COL4A2: variants seen among roughly 807,000 people sequenced by gnomAD.
COL4A2 encodes collagen alpha-2(IV) chain.
A neutral mutation model predicts 200.2 loss-of-function variants in COL4A2; 99 were observed. The ratio of observed to expected loss-of-function variants is 0.49; its 90% CI spans 0.42 to 0.58. The LOEUF is 0.58. COL4A2 is among the 20% of genes least tolerant of loss of function. The pLI is 0.00. For missense variants in COL4A2, 1,950 were observed against 2,314.1 expected (o/e 0.84, Z 3.23); for synonymous variants, 897 against 900.6 (o/e 1.00, Z 0.07).
intron 4 of COL4A2, among the ~76,000 whole-genome samples, chr13:110,380,652 A>G (rs1446328761): frequency 6.6e-6 from 1 of 151,946 alleles, no homozygotes; most frequent in Non-Finnish European, 1.5e-5. Context: ...CACAAGCTCT[A>G]TCTCACACCC....
At chr13:110,491,192 G>T in intron 36 of COL4A2, 41 bp from the exon 37 acceptor site, 1 of 1,422,736 alleles carries the variant, frequency 7.0e-7, no homozygotes, top group Non-Finnish European at 9.7e-7. Flanking sequence ...CCACAGGGGC[G>T]CGGTGTCTGT....
chr13:110,452,049 C>T (rs1157969831), intron 20 of COL4A2, among the ~76,000 whole-genome samples: 1 of 152,248 alleles, frequency 6.6e-6, no homozygotes, highest in African/African-American at 2.4e-5. Flanking sequence ...CAGCCTCCTA[C>T]CTTCGGGGAG....
chr13:110,343,020 A>G (rs1418005039), intron 3 of COL4A2, among the ~76,000 whole-genome samples: 1 of 152,224 alleles, frequency 6.6e-6, no homozygotes, highest in African/African-American at 2.4e-5. Flanking sequence ...CTCAAACCTA[A>G]AAATGTGTGC....
At chr13:110,352,168 G>A (rs143468552) in intron 3 of COL4A2, among the ~76,000 whole-genome samples, 1 of 152,198 alleles carries the variant, frequency 6.6e-6, no homozygotes, top group Non-Finnish European at 1.5e-5. Context: ...GTTAGGGGTA[G>A]CCAGTCTGTC....
At chr13:110,428,618 G>A (rs761937453) in intron 7 of COL4A2, 35 bp downstream of exon 7, 62 of 1,253,378 alleles carry the variant, frequency 4.9e-5, no homozygotes, top group African/African-American at 7.9e-5. Context: ...CTCCAGGGAC[G>A]GGCAGACCCC....
chr13:110,449,233 A>G (rs1881440902), intron 18 of COL4A2, among the ~76,000 whole-genome samples: 1 of 152,254 alleles, frequency 6.6e-6, no homozygotes, highest in African/African-American at 2.4e-5. Flanking sequence ...TTACACAGCA[A>G]AGGAACATAG....
Position 110,489,756 on chromosome 13 carries a change from A to T in COL4A2, c.3317A>T (p.Lys1106Met). ...AATTTACCAGGAAGACCAGGCCTGAAGGGGGAGCGGGGCACCACTGGAATA... is the reference window on the plus strand; with the variant it reads ...AATTTACCAGGAAGACCAGGCCTGATGGGGGAGCGGGGCACCACTGGAATA... The part of the protein sequence containing the change: ...TINLPGRPGL[K>M]GERGTTGIPG... The change falls in exon 36 of 48, where the codon AAG becomes ATG. Residue 1106 changes from lysine to methionine, a missense_variant. Transcript: ENST00000360467. 1 of 1,613,328 alleles carries T rather than the reference A, an allele frequency of 6.2e-7. No homozygotes were observed. The highest frequency in any genetic ancestry group is 8.5e-7 in the Non-Finnish European group (1 of 1,179,798).
At chr13:110,395,900 G>T (rs188792615) in intron 4 of COL4A2, among the ~76,000 whole-genome samples, 1 of 152,158 alleles carries the variant, frequency 6.6e-6, no homozygotes, top group Non-Finnish European at 1.5e-5. Flanking sequence ...AGCCAAGATC[G>T]CGCCACAGCA....
At chr13:110,454,537 A>G (rs572588886) in intron 20 of COL4A2, among the ~76,000 whole-genome samples, 712 of 152,222 alleles carry the variant, frequency 4.7e-3, no homozygotes, top group Non-Finnish European at 6.4e-3. Context: ...AAAGCTCACA[A>G]AAGTCCACAA....
chr13:110,362,860 G>A (rs1368533239), intron 4 of COL4A2, among the ~76,000 whole-genome samples: 1 of 152,186 alleles, frequency 6.6e-6, no homozygotes, highest in African/African-American at 2.4e-5. Flanking sequence ...GAAAGTCTTG[G>A]ATTTTTCCAA....
chr13:110,403,730 T>A (rs1257773472), intron 4 of COL4A2, among the ~76,000 whole-genome samples: 1 of 152,226 alleles, frequency 6.6e-6, no homozygotes. Context: ...TACCCAGTTC[T>A]AAAGCTAATT....
intron 3 of COL4A2, among the ~76,000 whole-genome samples, chr13:110,313,041 TCCA>T (rs956885660): frequency 1.3e-5 from 2 of 152,116 alleles, no homozygotes; most frequent in African/African-American, 4.8e-5. Context: ...CCAGATAAGC[TCCA>T]GAATAGAATC....
Position 110,353,099 on chromosome 13 carries a change from T to C in COL4A2, c.100-4373T>C, listed in dbSNP as rs554561298. Among the ~76,000 whole-genome samples, 6 of 152,316 alleles carry C rather than the reference T, an allele frequency of 3.9e-5. No individual in the cohort carries two copies. The East Asian group carries it at 9.7e-4, about 25-fold the overall frequency. ...AATGAGAAATTAATGGAGGATTGAATTGATGTTTCTTTCATGAGCCTGTGA... is the reference window on the plus strand; with the variant it reads ...AATGAGAAATTAATGGAGGATTGAACTGATGTTTCTTTCATGAGCCTGTGA... On this transcript the variant is annotated intron_variant, in intron 3 of 47. Transcript: ENST00000360467.
chr13:110,336,129 G>A (rs112229592), intron 3 of COL4A2, among the ~76,000 whole-genome samples: 16 of 152,158 alleles, frequency 1.1e-4, no homozygotes, highest in Non-Finnish European at 1.9e-4. Flanking sequence ...TTTTAGTCTC[G>A]GCTATTTTGA....
intron 4 of COL4A2, among the ~76,000 whole-genome samples, chr13:110,405,600 G>A (rs1356220672): frequency 1.3e-5 from 2 of 152,260 alleles, no homozygotes; most frequent in South Asian, 2.1e-4. Flanking sequence ...CGCAGTCAGG[G>A]CCCAGTCACC....
intron 4 of COL4A2, among the ~76,000 whole-genome samples, chr13:110,392,648 C>G (rs979224468): frequency 6.6e-6 from 1 of 152,188 alleles, no homozygotes; most frequent in Non-Finnish European, 1.5e-5. Context: ...TGTCTCATTC[C>G]TGTTTCCTCA....
At chr13:110,335,911 A>T (rs1454854785) in intron 3 of COL4A2, among the ~76,000 whole-genome samples, 1 of 152,214 alleles carries the variant, frequency 6.6e-6, no homozygotes, top group East Asian at 1.9e-4. Context: ...TTTCCACAAG[A>T]TCCTGGAAGT....
intron 4 of COL4A2, among the ~76,000 whole-genome samples, chr13:110,358,491 T>A (rs944635762): frequency 6.6e-6 from 1 of 152,180 alleles, no homozygotes; most frequent in African/African-American, 2.4e-5. Context: ...AAGTAGAGTA[T>A]AGTAAATGCA....
intron 39 of COL4A2, among the ~76,000 whole-genome samples, chr13:110,494,051 G>C (rs1883373081): frequency 7.2e-6 from 1 of 138,968 alleles, no homozygotes; most frequent in Non-Finnish European, 1.6e-5. Context: ...TCCATAGCAA[G>C]GTGAACCAAG....
Sources: allele counts gnomAD v4.1 joint callset (sites outside exome capture counted in the v4.1 genomes callset), GRCh38; gene constraint gnomAD v4.1.1; transcripts MANE v1.5; gene names NCBI Gene and HGNC (gene_info 2026-07-23, HGNC 2026-07-21).